Variants in PCCA observed in about 807,000 individuals in gnomAD.
The protein encoded by PCCA is propionyl-CoA carboxylase subunit alpha.
Under a neutral mutation model 101.3 loss-of-function variants are expected in PCCA, and 74 were observed. The ratio of observed to expected loss-of-function variants is 0.73; its 90% CI spans 0.61 to 0.89. The LOEUF (loss-of-function observed/expected upper bound fraction) is 0.89. PCCA is among the 40% of genes least tolerant of loss of function. The pLI is 0.00. For missense variants in PCCA, 891 were observed against 907.0 expected (o/e 0.98, Z 0.23); for synonymous variants, 294 against 313.6 (o/e 0.94, Z 0.66).
Position 100,325,725 on chromosome 13 carries a change from C to T in PCCA, c.1430-4836C>T, listed in dbSNP as rs968122679. Among the ~76,000 whole-genome samples the T allele has an allele frequency of 1.4e-4, 21 of 152,252 alleles. No individual in the cohort carries two copies. In the South Asian group the frequency reaches 1.9e-3, roughly 14 times the overall value. On this transcript the variant is annotated intron_variant, in intron 16 of 23. Coordinates refer to ENST00000376285, the MANE Select transcript of PCCA (RefSeq NM_000282.4). The stretch of plus-strand genomic sequence containing the variant: ...AAGGAAAATGATAAGCACCGGCTGC[C>T]AGTCTTCTGGTTGTACAACAAGAAG...
At chr13:100,162,094 G>A (rs1397245007) in intron 6 of PCCA, among the ~76,000 whole-genome samples, 1 of 151,658 alleles carries the variant, frequency 6.6e-6, no homozygotes, top group Non-Finnish European at 1.5e-5. Context: ...GTGTGTGTGT[G>A]TGTGTGTGTG....
chr13:100,506,390 CG>C (rs1247371852), intron 21 of PCCA, among the ~76,000 whole-genome samples: 2 of 30,098 alleles, frequency 6.6e-5, no homozygotes, highest in Non-Finnish European at 7.2e-5. Context: ...GGGGTGGGGG[CG>C]GGGGCGGCGG....
At chr13:100,344,420 G>A (rs1175572318) in intron 18 of PCCA, among the ~76,000 whole-genome samples, 1 of 152,156 alleles carries the variant, frequency 6.6e-6, no homozygotes, top group African/African-American at 2.4e-5. Context: ...TTAGCAATAT[G>A]ATATATTCCT....
chr13:100,239,206 G>A (rs761227087), intron 8 of PCCA, among the ~76,000 whole-genome samples: 1 of 152,060 alleles, frequency 6.6e-6, no homozygotes, highest in African/African-American at 2.4e-5. Flanking sequence ...AATCATTTTT[G>A]TTTACATTTA....
At chr13:100,171,888 C>T (rs1056591388) in intron 6 of PCCA, among the ~76,000 whole-genome samples, 15 of 152,058 alleles carry the variant, frequency 9.9e-5, no homozygotes, top group Admixed American at 7.2e-4. Context: ...AAAAATTAGC[C>T]GGGCGTGGTG....
chr13:100,337,785 T>A (rs2070723771), intron 17 of PCCA, among the ~76,000 whole-genome samples: 3 of 152,208 alleles, frequency 2.0e-5, no homozygotes, highest in Admixed American at 2.0e-4. Context: ...CCTCCTCCCT[T>A]GCTGATGGTA....
At chr13:100,489,086 A>G (rs1418781132) in intron 21 of PCCA, among the ~76,000 whole-genome samples, 6 of 152,168 alleles carry the variant, frequency 3.9e-5, no homozygotes, top group Admixed American at 3.9e-4. Flanking sequence ...CAGGCGGATC[A>G]CCAGGTCAGG....
intron 4 of PCCA, among the ~76,000 whole-genome samples, chr13:100,146,551 G>A (rs2052589781): frequency 6.6e-6 from 1 of 151,054 alleles, no homozygotes; most frequent in African/African-American, 2.4e-5. Context: ...CTCCAGCCTA[G>A]GCAACAGAGT....
At chr13:100,232,045 A>T (rs1430320607) in intron 7 of PCCA, among the ~76,000 whole-genome samples, 1 of 152,132 alleles carries the variant, frequency 6.6e-6, no homozygotes, top group Non-Finnish European at 1.5e-5. Flanking sequence ...TTTACAGTGT[A>T]AGAGTTACTC....
intron 19 of PCCA, among the ~76,000 whole-genome samples, chr13:100,404,882 G>A (rs937148625): frequency 2.0e-5 from 3 of 152,150 alleles, no homozygotes; most frequent in African/African-American, 7.2e-5. Flanking sequence ...GCAGGAATCA[G>A]CCACTCTCAC....
chr13:100,515,715 T>G, intron 22 of PCCA, 148 bp downstream of exon 22: 1 of 903,326 alleles, frequency 1.1e-6, no homozygotes, highest in South Asian at 1.4e-5. Context: ...GCGTGTGTTG[T>G]CGACCTGTTT....
At chr13:100,503,493 C>A (rs889163779) in intron 21 of PCCA, among the ~76,000 whole-genome samples, 1 of 151,490 alleles carries the variant, frequency 6.6e-6, no homozygotes, top group Non-Finnish European at 1.5e-5. Context: ...TCCATCCCCC[C>A]CCAAAAAAGA....
intron 8 of PCCA, among the ~76,000 whole-genome samples, chr13:100,243,438 A>G (rs1479828140): frequency 6.6e-6 from 1 of 152,216 alleles, no homozygotes; most frequent in Non-Finnish European, 1.5e-5. Flanking sequence ...CAATTTTATA[A>G]TAGAGATACC....
At chr13:100,255,560 C>A (rs2062020103) in intron 8 of PCCA, among the ~76,000 whole-genome samples, 2 of 152,094 alleles carry the variant, frequency 1.3e-5, no homozygotes, top group African/African-American at 4.8e-5. Context: ...TGTGATGATG[C>A]ATTGATAAAA....
intron 7 of PCCA, among the ~76,000 whole-genome samples, chr13:100,224,004 C>G (rs473180): frequency 3.5e-4 from 53 of 152,346 alleles, no homozygotes; most frequent in Non-Finnish European, 1.2e-4. Flanking sequence ...GATCCCGCAC[C>G]GGGGCTGCAG....
At position 100,319,163 on chromosome 13, in the gene PCCA, C is replaced by A. The variant is rs563487017; in HGVS notation, c.1429+9255C>A. The stretch of plus-strand genomic sequence containing the variant: ...GAGAAGTGTCTGTTCATGTCCTTCG[C>A]CCACTTTTTGATGGGGTTGTTTGTT... On this transcript the variant is annotated intron_variant, in intron 16 of 23. Transcript: ENST00000376285. Among the ~76,000 whole-genome samples, 523 of 152,298 alleles carry A rather than the reference C, an allele frequency of 3.4e-3. 2 individuals are homozygous for A. The highest frequency in any genetic ancestry group is 0.012 in the African/African-American group (494 of 41,564).
At chr13:100,100,494 A>C (rs2047174557) in intron 1 of PCCA, among the ~76,000 whole-genome samples, 1 of 152,244 alleles carries the variant, frequency 6.6e-6, no homozygotes, top group Admixed American at 6.5e-5. Context: ...AGTTTGTTAC[A>C]TGCTTAACAA....
chr13:100,379,112 G>A (rs960550164), intron 19 of PCCA, among the ~76,000 whole-genome samples: 1 of 152,144 alleles, frequency 6.6e-6, no homozygotes, highest in Non-Finnish European at 1.5e-5. Flanking sequence ...TATCCATGCT[G>A]TTGGTTGGGT....
intron 16 of PCCA, among the ~76,000 whole-genome samples, chr13:100,310,731 G>GT (rs2066845155): frequency 6.6e-6 from 1 of 152,072 alleles, no homozygotes; most frequent in Non-Finnish European, 1.5e-5. Flanking sequence ...AGGTTCACCA[G>GT]TTACTACAGT....
Sources: allele counts gnomAD v4.1 joint callset (sites outside exome capture counted in the v4.1 genomes callset), GRCh38; gene constraint gnomAD v4.1.1; transcripts MANE v1.5; gene names NCBI Gene and HGNC (gene_info 2026-07-23, HGNC 2026-07-21).